The following TOP1 variants were observed in gnomAD, a reference collection of about 807,000 sequenced individuals.
The protein encoded by TOP1 is DNA topoisomerase I, also known as DNA topoisomerase 1.
A neutral mutation model predicts 111.1 loss-of-function variants in TOP1; 10 were observed. The ratio of observed to expected loss-of-function variants is 0.09; its 90% confidence interval spans 0.06 to 0.15. TOP1 has a LOEUF of 0.15. Ranked by LOEUF, TOP1 falls within the 10% of genes least tolerant of loss-of-function variation. The probability of loss-of-function intolerance (pLI) is 1.00; values close to 1 mark genes in which losing one functional copy is unlikely to be tolerated. For synonymous variants in TOP1, 271 were observed against 302.9 expected, an observed-to-expected ratio of 0.89 and a Z score of 1.10; for missense variants, 474 against 926.7, an observed-to-expected ratio of 0.51 and a Z score of 6.34.
chr20:41,073,462 T>C, intron 3 of TOP1: 1 of 985,308 alleles, frequency 1.0e-6, no homozygotes, highest in Non-Finnish European at 1.2e-6. Flanking sequence ...CAAACATCTT[T>C]ATTCTAGAAA....
In TOP1 at chr20:41,072,263, A is replaced by T. The variant is rs1367348874; in HGVS notation, c.156-3908A>T. On this transcript the variant is annotated intron_variant, in intron 3 of 20. Coordinates refer to ENST00000361337, the MANE Select transcript of TOP1 (RefSeq NM_003286.4). ...CATATTGTGTCTATTGTGTATGGAA[A>T]AGTAGCAGGATCAGTATGAAGATAA... 1.3e-5 allele frequency: 13 copies of T among 985,260 alleles called. No individual in the cohort carries two copies. In the Admixed American group the frequency reaches 8.0e-4, roughly 61 times the overall value. 61.0% of individuals were successfully genotyped at this position (985,260 alleles called of 1,614,324 possible). A position where few individuals can be genotyped will look rare whatever the true frequency, so the allele number is the denominator to read the frequency against.
rs1406507719 is a variant in TOP1, at chr20:41,061,540, A to G, written c.155+50A>G. 2 of 1,494,744 alleles carry G rather than the reference A, an allele frequency of 1.3e-6. No individual in the cohort carries two copies. The highest frequency in any genetic ancestry group is 2.8e-5 in the African/African-American group (2 of 71,762). 92.6% of individuals were successfully genotyped at this position (1,494,744 alleles called of 1,614,324 possible). A position where few individuals can be genotyped will look rare whatever the true frequency, so the allele number is the denominator to read the frequency against. On this transcript the variant is annotated intron_variant, in intron 3 of 20. Transcript: ENST00000361337. The surrounding 1 kb of genome is among the most constrained non-coding windows in gnomAD (Gnocchi z 4.6). Reference sequence around the variant, plus strand: ...CTCATCATTCAGCAGTGGGTTGGCCATTGCTTGGCTTACCTGGAATAGGTC... The same window carrying G: ...CTCATCATTCAGCAGTGGGTTGGCCGTTGCTTGGCTTACCTGGAATAGGTC...
At chr20:41,075,668 G>A (rs762651132) in intron 3 of TOP1, among the ~76,000 whole-genome samples, 8 of 152,262 alleles carry the variant, frequency 5.3e-5, no homozygotes, top group African/African-American at 1.7e-4. Flanking sequence ...AAGGGCTAAC[G>A]TAAGTCCCAT....
chr20:41,058,033 C>T lies in TOP1; in HGVS notation c.59-3361C>T, dbSNP rs1209901968. On this transcript the variant is annotated intron_variant, in intron 2 of 20. Transcript: ENST00000361337. This position sits in a 1 kb window ranked among gnomAD's most constrained non-coding sequence, Gnocchi z 4.2. ...GGTTTTTAGAAGAAGCTGAAGGGTT[C>T]TGTATGCTGCATGGAAGATTGAGTT... 6.6e-6 allele frequency among the ~76,000 whole-genome samples: 1 copy of T among 152,212 alleles called. No homozygotes were observed. The highest frequency in any genetic ancestry group is 1.5e-5 in the Non-Finnish European group (1 of 68,048).
At chr20:41,091,005 A>G (rs891615208) in intron 8 of TOP1, among the ~76,000 whole-genome samples, 4 of 152,184 alleles carry the variant, frequency 2.6e-5, no homozygotes, top group Non-Finnish European at 5.9e-5. Flanking sequence ...TTTTGCCAAC[A>G]CTATTGTTGA....
At chr20:41,066,332 A>G (rs2033606533) in intron 3 of TOP1, among the ~76,000 whole-genome samples, 1 of 151,830 alleles carries the variant, frequency 6.6e-6, no homozygotes, top group Non-Finnish European at 1.5e-5. Flanking sequence ...GATCTTGGCT[A>G]GGTTACTTAA....
intron 8 of TOP1, among the ~76,000 whole-genome samples, chr20:41,087,228 A>C (rs534130133): frequency 2.0e-5 from 3 of 152,350 alleles, no homozygotes; most frequent in East Asian, 3.9e-4. Context: ...CGTTATCTCC[A>C]TAGAAACATT....
At position 41,030,807 on chromosome 20, in the gene TOP1, C is replaced by G. The variant is rs565191354; in HGVS notation, c.58+1352C>G. 2.0e-5 allele frequency among the ~76,000 whole-genome samples: 3 copies of G among 152,278 alleles called. No individual in the cohort carries two copies. In the South Asian group the frequency reaches 6.2e-4, roughly 32 times the overall value. Reference sequence around the variant, plus strand: ...GCTCTACTGAGAGCAACCTTATGTTCAGAGTTTGAAGTGGGGCATCCAGCA... The same window carrying G: ...GCTCTACTGAGAGCAACCTTATGTTGAGAGTTTGAAGTGGGGCATCCAGCA... On this transcript the variant is annotated intron_variant, in intron 2 of 20. Coordinates refer to ENST00000361337, the MANE Select transcript of TOP1 (RefSeq NM_003286.4). This position sits in a 1 kb window ranked among gnomAD's most constrained non-coding sequence, Gnocchi z 4.1.
rs1393141209 is a variant in TOP1, at chr20:41,115,627, C to T, written c.1707+188C>T. Among the ~76,000 whole-genome samples the T allele has an allele frequency of 6.6e-6, 1 of 152,190 alleles. No individual in the cohort carries two copies. Reference sequence around the variant, plus strand: ...CTGTAGTCAAGAGAAGACACATCTGCTGCAGAACAACTGCTAAAGCACTCA... The same window carrying T: ...CTGTAGTCAAGAGAAGACACATCTGTTGCAGAACAACTGCTAAAGCACTCA... On this transcript the variant is annotated intron_variant, in intron 16 of 20. Coordinates refer to ENST00000361337, the MANE Select transcript of TOP1 (RefSeq NM_003286.4). This position sits in a 1 kb window ranked among gnomAD's most constrained non-coding sequence, Gnocchi z 6.3.
rs2033130833 is a variant in TOP1, at chr20:41,032,319, G to C, written c.58+2864G>C. On this transcript the variant is annotated intron_variant, in intron 2 of 20. Coordinates refer to ENST00000361337, the MANE Select transcript of TOP1 (RefSeq NM_003286.4). The surrounding 1 kb of genome is among the most constrained non-coding windows in gnomAD (Gnocchi z 4.3). Reference sequence around the variant, plus strand: ...CTTTGCATGTAATTTAGAACATTCTGACCCATACTCAACTGCTGGGAGACT... The same window carrying C: ...CTTTGCATGTAATTTAGAACATTCTCACCCATACTCAACTGCTGGGAGACT... Among the ~76,000 whole-genome samples the C allele has an allele frequency of 1.3e-5, 2 of 151,384 alleles. No individual in the cohort carries two copies. The highest frequency in any genetic ancestry group is 4.9e-5 in the African/African-American group (2 of 41,100).
chr20:41,049,278 A>G (rs138033421), intron 2 of TOP1, among the ~76,000 whole-genome samples: 434 of 152,320 alleles, frequency 2.8e-3, no homozygotes, highest in Non-Finnish European at 5.4e-3. Context: ...CACTTTGGAA[A>G]TTGTAGTGAC....
rs1600588076 is a variant in TOP1 at position 41,098,405 on chromosome 20, TG to T, written c.975+70del. On this transcript the variant is annotated intron_variant, in intron 11 of 20. Transcript: ENST00000361337. This position sits in a 1 kb window ranked among gnomAD's most constrained non-coding sequence, Gnocchi z 5.7. ...TGATTGGTTCATTTAACTTTCTTCT[TG>T]GTTCTTATGACACAACATTAACATC... 7.9e-6 allele frequency: 12 copies of T among 1,522,000 alleles called. No homozygotes were observed. In the East Asian group the frequency reaches 2.7e-4, roughly 34 times the overall value. 94.3% of individuals were successfully genotyped at this position (1,522,000 alleles called of 1,614,324 possible).
At chr20:41,093,932 AGTCCCAGCTACTCG>A (rs2033950565) in intron 9 of TOP1, among the ~76,000 whole-genome samples, 1 of 152,174 alleles carries the variant, frequency 6.6e-6, no homozygotes, top group African/African-American at 2.4e-5. Context: ...GCACGCCTGT[AGTCCCAGCTACTCG>A]GGAGGCTAAG....
At position 41,029,334 on chromosome 20, in the gene TOP1, C is replaced by T. The variant is rs1600546885; in HGVS notation, c.34-97C>T. On this transcript the variant is annotated intron_variant, in intron 1 of 20. Coordinates refer to ENST00000361337, the MANE Select transcript of TOP1 (RefSeq NM_003286.4). This position sits in a 1 kb window ranked among gnomAD's most constrained non-coding sequence, Gnocchi z 6.1. Reference sequence around the variant, plus strand: ...GCCACCCCCGGGTCCCCGTCCTCCCCGGGGGCGCAGGGTGAGCCAGACCCC... The same window carrying T: ...GCCACCCCCGGGTCCCCGTCCTCCCTGGGGGCGCAGGGTGAGCCAGACCCC... The T allele has an allele frequency of 3.4e-6, 4 of 1,177,784 alleles. No homozygotes were observed. The highest frequency in any genetic ancestry group is 3.5e-5 in the South Asian group (2 of 56,826). The allele number at this position is 1,177,784 out of a possible 1,614,324, so 73.0% of individuals were successfully genotyped here. A position where few individuals can be genotyped will look rare whatever the true frequency, so the allele number is the denominator to read the frequency against.
chr20:41,100,321 T>TTG lies in TOP1; in HGVS notation c.1163+79_1163+80insGT. On this transcript the variant is annotated intron_variant, in intron 12 of 20. Coordinates refer to ENST00000361337, the MANE Select transcript of TOP1 (RefSeq NM_003286.4). This position sits in a 1 kb window ranked among gnomAD's most constrained non-coding sequence, Gnocchi z 4.4. ...ATTGTACTTGGGAATATTTCCCAGG[T>TTG]TACACAGGACTGTTTGGGAAGGGAG... The TTG allele has an allele frequency of 8.0e-7, 1 of 1,253,086 alleles. No individual in the cohort carries two copies. 77.6% of individuals were successfully genotyped at this position (1,253,086 alleles called of 1,614,324 possible). A position where few individuals can be genotyped will look rare whatever the true frequency, so the allele number is the denominator to read the frequency against.
Position 41,067,798 on chromosome 20 carries a change from G to T in TOP1, c.155+6308G>T, listed in dbSNP as rs1050616836. On this transcript the variant is annotated intron_variant, in intron 3 of 20. Coordinates refer to ENST00000361337, the MANE Select transcript of TOP1 (RefSeq NM_003286.4). The surrounding 1 kb of genome is among the most constrained non-coding windows in gnomAD (Gnocchi z 4.0). Reference sequence around the variant, plus strand: ...TAGCAATACTGCAGACTTGGAGTGGGAGAGTAGCCATTATGTGCAGAAACA... The same window carrying T: ...TAGCAATACTGCAGACTTGGAGTGGTAGAGTAGCCATTATGTGCAGAAACA... Among the ~76,000 whole-genome samples, 7 of 152,224 alleles carry T rather than the reference G, an allele frequency of 4.6e-5. No individual in the cohort carries two copies. Among genetic ancestry groups the T allele is most frequent in the Non-Finnish European group, 8.8e-5 (6 of 68,038 alleles).
intron 2 of TOP1, among the ~76,000 whole-genome samples, chr20:41,031,542 A>G (rs1327714979): frequency 6.6e-6 from 1 of 152,262 alleles, no homozygotes; most frequent in East Asian, 1.9e-4. Context: ...GTTGGCTCAC[A>G]TTTAATAGCA....
intron 3 of TOP1, among the ~76,000 whole-genome samples, chr20:41,065,310 C>T (rs1273548474): frequency 6.6e-6 from 1 of 152,192 alleles, no homozygotes; most frequent in Non-Finnish European, 1.5e-5. Flanking sequence ...TCTATGGGTA[C>T]ATTAATTCCC....
Position 41,029,120 on chromosome 20 carries a change from TG to T in TOP1, c.33+22del. Reference sequence around the variant, plus strand: ...TCCCAGGTACGGCCCGGCCTGACCCTGGCGGCCCCGGACCCCGGCCTGGCCG... The same window carrying T: ...TCCCAGGTACGGCCCGGCCTGACCCTGCGGCCCCGGACCCCGGCCTGGCCG... On this transcript the variant is annotated intron_variant, in intron 1 of 20. Coordinates refer to ENST00000361337, the MANE Select transcript of TOP1 (RefSeq NM_003286.4). This position sits in a 1 kb window ranked among gnomAD's most constrained non-coding sequence, Gnocchi z 6.1. 6.7e-7 allele frequency: 1 copy of T among 1,489,940 alleles called. No homozygotes were observed. Among genetic ancestry groups the T allele is most frequent in the Non-Finnish European group, 8.9e-7 (1 of 1,121,532 alleles). 92.3% of individuals were successfully genotyped at this position (1,489,940 alleles called of 1,614,324 possible). A position where few individuals can be genotyped will look rare whatever the true frequency, so the allele number is the denominator to read the frequency against.
Sources: allele counts gnomAD v4.1 joint callset (sites outside exome capture counted in the v4.1 genomes callset), GRCh38; gene constraint gnomAD v4.1.1; non-coding constraint Gnocchi (gnomAD v3.1); transcripts MANE v1.5; gene names NCBI Gene and HGNC (gene_info 2026-07-23, HGNC 2026-07-21).